PCBP3: variants seen among roughly 807,000 people sequenced by gnomAD.
PCBP3 encodes the protein poly(rC) binding protein 3, also known as poly(rC)-binding protein 3.
Under a neutral mutation model 52.7 loss-of-function variants are expected in PCBP3, and 25 were observed. That is an observed-to-expected ratio of 0.47 (90% CI 0.35 to 0.66). The LOEUF is 0.66. PCBP3 is among the 30% of genes least tolerant of loss of function. PCBP3 has a pLI of 0.01. For synonymous variants in PCBP3, 162 were observed against 183.0 expected (o/e 0.89, Z 0.93); for missense variants, 391 against 490.3 (o/e 0.80, Z 1.91).
intron 4 of PCBP3, among the ~76,000 whole-genome samples, chr21:45,815,125 AGTGG>A (rs2147179446): frequency 1.2e-5 from 1 of 84,642 alleles, no homozygotes; most frequent in Non-Finnish European, 2.3e-5. Flanking sequence ...GTGAGTGGTG[AGTGG>A]TGAGTGAGTG....
At chr21:45,931,729 C>T (rs1162496820) in intron 15 of PCBP3, among the ~76,000 whole-genome samples, 3 of 152,028 alleles carry the variant, frequency 2.0e-5, no homozygotes, top group South Asian at 4.1e-4. Context: ...ACACGTCGGC[C>T]GTGCCGTCCT....
At chr21:45,934,370 A>G (rs1331495272) in intron 15 of PCBP3, among the ~76,000 whole-genome samples, 1 of 152,182 alleles carries the variant, frequency 6.6e-6, no homozygotes, top group Non-Finnish European at 1.5e-5. Flanking sequence ...GCCAGTACTC[A>G]TGGGGCTTGC....
intron 16 of PCBP3, among the ~76,000 whole-genome samples, chr21:45,937,274 G>A (rs2076985049): frequency 6.6e-6 from 1 of 152,206 alleles, no homozygotes; most frequent in Non-Finnish European, 1.5e-5. Context: ...TGGGGACACA[G>A]GCCAGTCCAG....
chr21:45,903,049 T>C (rs2096106879), intron 9 of PCBP3, among the ~76,000 whole-genome samples: 1 of 152,148 alleles, frequency 6.6e-6, no homozygotes, highest in Admixed American at 6.5e-5. Context: ...ATTATAGAAT[T>C]AGGGTCTTTG....
At chr21:45,891,763 G>A (rs375608163) in intron 5 of PCBP3, among the ~76,000 whole-genome samples, 1 of 152,218 alleles carries the variant, frequency 6.6e-6, no homozygotes, top group Non-Finnish European at 1.5e-5. Context: ...AAGGTTAAAC[G>A]GTGAGTCGGT....
intron 4 of PCBP3, among the ~76,000 whole-genome samples, chr21:45,848,682 A>G (rs1196433388): frequency 1.3e-5 from 2 of 152,132 alleles, no homozygotes; most frequent in African/African-American, 2.4e-5. Flanking sequence ...TTTTAACTGT[A>G]CATTTGTGTT....
At chr21:45,646,219 T>G (rs1381426964) in intron 1 of PCBP3, among the ~76,000 whole-genome samples, 1 of 151,688 alleles carries the variant, frequency 6.6e-6, no homozygotes, top group East Asian at 1.9e-4. Context: ...TATTATTAAA[T>G]AAAATTTGAT....
chr21:45,705,676 G>A (rs1444155802), intron 2 of PCBP3, among the ~76,000 whole-genome samples: 4 of 152,196 alleles, frequency 2.6e-5, no homozygotes, highest in Non-Finnish European at 5.9e-5. Flanking sequence ...GATGTTTTCT[G>A]TCAAGTCCTG....
chr21:45,711,755 G>C (rs1385945168), intron 2 of PCBP3, among the ~76,000 whole-genome samples: 1 of 152,132 alleles, frequency 6.6e-6, no homozygotes, highest in Non-Finnish European at 1.5e-5. Context: ...TCCGCATCCT[G>C]TCTTGAGATT....
Position 45,847,260 on chromosome 21 carries a change from T to C in PCBP3, c.-125-2701T>C, listed in dbSNP as rs73380668. ...GTGGGATTCTTTTCTCCCACCTATT[T>C]TTCATGCTTCAGTCTATGAGCTTAT... On this transcript the variant is annotated intron_variant, in intron 4 of 17. Coordinates refer to ENST00000681687, the MANE Select transcript of PCBP3 (RefSeq NM_001384156.1). Among the ~76,000 whole-genome samples, 784 of 152,330 alleles carry C rather than the reference T, an allele frequency of 5.1e-3. 8 individuals are homozygous for C. Among genetic ancestry groups the C allele is most frequent in the African/African-American group, 0.017 (703 of 41,580 alleles).
chr21:45,650,666 G>A (rs905331217), intron 1 of PCBP3, among the ~76,000 whole-genome samples: 10 of 152,066 alleles, frequency 6.6e-5, no homozygotes, highest in Admixed American at 3.9e-4. Flanking sequence ...TGTTGCCCAG[G>A]CTGGTCTTCA....
intron 2 of PCBP3, among the ~76,000 whole-genome samples, chr21:45,693,414 T>C (rs2082596750): frequency 6.6e-6 from 1 of 152,190 alleles, no homozygotes; most frequent in Admixed American, 6.5e-5. Flanking sequence ...TTGTTTTTCT[T>C]GGACCCAGAG....
At position 45,816,021 on chromosome 21, in the gene PCBP3, A is replaced by G. The variant is rs1473737107; in HGVS notation, c.-125-33940A>G. 7.1e-3 allele frequency among the ~76,000 whole-genome samples: 290 copies of G among 40,840 alleles called. 1 individual carries two copies. Among genetic ancestry groups the G allele is most frequent in the Middle Eastern group, 0.025 (1 of 40 alleles). 26.8% of individuals were successfully genotyped at this position (40,840 alleles called of 152,430 possible). ...GGTGAGTGGTGAGTGAGTGGTGAGT[A>G]GTGAGTGGTGAGTGGTGAGTGAGTG... On this transcript the variant is annotated intron_variant, in intron 4 of 17. Coordinates refer to ENST00000681687, the MANE Select transcript of PCBP3 (RefSeq NM_001384156.1).
chr21:45,809,108 C>T (rs1005816094), intron 4 of PCBP3, among the ~76,000 whole-genome samples: 6 of 152,126 alleles, frequency 3.9e-5, no homozygotes, highest in African/African-American at 1.2e-4. Flanking sequence ...TTGATGGGTG[C>T]AGCAAACCAC....
Position 45,930,836 on chromosome 21 carries a change from C to T in PCBP3, c.847C>T (p.Gln283Ter). The T allele has an allele frequency of 2.5e-6, 4 of 1,607,544 alleles. No individual in the cohort carries two copies. The highest frequency in any genetic ancestry group is 3.4e-6 in the Non-Finnish European group (4 of 1,174,542). The change falls in exon 15 of 18, where the codon CAG becomes TAG. Residue 283 changes from glutamine (Q) to a stop codon, truncating the protein, a stop_gained. Transcript: ENST00000681687. LOFTEE classifies it high-confidence loss of function. ...CGAAGAAGCTCAAAATCTGATGGGC[C>T]AGTCATCAGGTAACACAAAGCCACA... is the stretch of plus-strand genomic sequence containing the variant. Reference protein sequence around the residue: ...SSEEAQNLMGQSSGLDASPPA... With the variant: ...SSEEAQNLMG
chr21:45,676,371 T>C (rs116810579), intron 2 of PCBP3, among the ~76,000 whole-genome samples: 2,458 of 152,316 alleles, frequency 0.016, 55 homozygotes, highest in South Asian at 0.053. Flanking sequence ...TACAGAATTT[T>C]TTTTTTTAAA....
intron 4 of PCBP3, among the ~76,000 whole-genome samples, chr21:45,797,912 TAGAG>T (rs113453550): frequency 1.6e-5 from 2 of 124,426 alleles, no homozygotes; most frequent in African/African-American, 3.2e-5. Flanking sequence ...CATGGATCCA[TAGAG>T]AGAGTGAATG....
intron 4 of PCBP3, chr21:45,762,658 T>C (rs1326165371): frequency 6.6e-6 from 1 of 151,664 alleles, no homozygotes; most frequent in Non-Finnish European, 1.5e-5. Flanking sequence ...TTTTTTGTAT[T>C]TTATTATTTT....
At chr21:45,716,177 A>G (rs2084206657) in intron 2 of PCBP3, among the ~76,000 whole-genome samples, 2 of 152,034 alleles carry the variant, frequency 1.3e-5, no homozygotes, top group African/African-American at 4.8e-5. Context: ...TTCATTCTTT[A>G]GCATGTGGAT....
Sources: gnomAD v4.1 joint callset for allele counts (sites outside exome capture counted in the v4.1 genomes callset) on GRCh38, gnomAD v4.1.1 for gene constraint, MANE v1.5 for transcripts, NCBI Gene and HGNC (gene_info 2026-07-23, HGNC 2026-07-21) for gene names.